The following GABRB1 variants were observed in gnomAD, a reference collection of about 807,000 sequenced individuals.
GABRB1 encodes the protein gamma-aminobutyric acid receptor subunit beta-1.
In GABRB1, 17 loss-of-function variants were observed where a neutral mutation model predicts 51.6. The observed-to-expected ratio is 0.33, with a 90% CI of 0.23 to 0.49. The LOEUF (loss-of-function observed/expected upper bound fraction) is 0.49, where lower values mean the gene tolerates loss of function less well. Among genes scored for constraint, GABRB1 ranks in the 20% least tolerant of loss-of-function variants. The pLI, the probability that GABRB1 is intolerant of heterozygous loss-of-function variation, is 0.99. For synonymous variants in GABRB1, 247 were observed against 218.9 expected, an observed-to-expected ratio of 1.13 and a Z score of -1.14; for missense variants, 410 against 600.6, an observed-to-expected ratio of 0.68 and a Z score of 3.32.
intron 3 of GABRB1, among the ~76,000 whole-genome samples, chr4:47,052,406 T>C (rs1169272218): frequency 3.3e-5 from 5 of 152,212 alleles, no homozygotes; most frequent in Non-Finnish European, 7.3e-5. Context: ...ATTATCAGTG[T>C]GATACCCACA....
rs558351135 is a variant in GABRB1, at chr4:47,345,616, G to C, written c.544+25407G>C. Among the ~76,000 whole-genome samples the C allele has an allele frequency of 2.6e-5, 4 of 152,276 alleles. No individual in the cohort carries two copies. The South Asian group carries it at 8.3e-4, about 32-fold the overall frequency. On this transcript the variant is annotated intron_variant, in intron 5 of 8. Transcript: ENST00000295454. Reference sequence around the variant, plus strand: ...GTAGTAATAAGATACAAAAGACCATGGTGTGAGTTGAAATTGGAAATGTAG... The same window carrying C: ...GTAGTAATAAGATACAAAAGACCATCGTGTGAGTTGAAATTGGAAATGTAG...
At chr4:47,083,007 G>A (rs2109570616) in intron 3 of GABRB1, among the ~76,000 whole-genome samples, 1 of 152,236 alleles carries the variant, frequency 6.6e-6, no homozygotes, top group African/African-American at 2.4e-5. Context: ...CCATTCATGA[G>A]TAATAGGCTA....
chr4:47,053,657 G>C (rs1416091315), intron 3 of GABRB1, among the ~76,000 whole-genome samples: 1 of 152,202 alleles, frequency 6.6e-6, no homozygotes, highest in Non-Finnish European at 1.5e-5. Flanking sequence ...GATGTGGGCT[G>C]TCACTGGAAA....
At chr4:47,289,818 A>G (rs1473576412) in intron 4 of GABRB1, among the ~76,000 whole-genome samples, 2 of 152,200 alleles carry the variant, frequency 1.3e-5, no homozygotes, top group African/African-American at 2.4e-5. Context: ...TTAGCCTTGG[A>G]CTTTTATAAC....
chr4:47,181,119 C>G (rs1355655670), intron 4 of GABRB1, among the ~76,000 whole-genome samples: 1 of 151,924 alleles, frequency 6.6e-6, no homozygotes, highest in Non-Finnish European at 1.5e-5. Flanking sequence ...ATTGGCTTAT[C>G]ACCATTTTCT....
chr4:47,163,748 C>T (rs186529271), intron 4 of GABRB1, among the ~76,000 whole-genome samples: 1 of 152,064 alleles, frequency 6.6e-6, no homozygotes, highest in East Asian at 1.9e-4. Flanking sequence ...AGTCAAGAGA[C>T]TTGTGGCCTA....
At chr4:47,370,455 C>T (rs1727148022) in intron 5 of GABRB1, among the ~76,000 whole-genome samples, 1 of 149,128 alleles carries the variant, frequency 6.7e-6, no homozygotes, top group African/African-American at 2.5e-5. Context: ...CCACTGCATT[C>T]CAGCCTGGGC....
At chr4:47,010,233 T>G (rs2109439328) in intron 1 of GABRB1, among the ~76,000 whole-genome samples, 1 of 152,298 alleles carries the variant, frequency 6.6e-6, no homozygotes, top group Admixed American at 6.5e-5. Context: ...TTTAAAAAAA[T>G]GTTTAAGATG....
chr4:47,253,933 G>A (rs951077735), intron 4 of GABRB1, among the ~76,000 whole-genome samples: 1 of 152,152 alleles, frequency 6.6e-6, no homozygotes, highest in Non-Finnish European at 1.5e-5. Context: ...TATCATTAAC[G>A]TGATTCCATA....
chr4:47,214,723 G>A (rs1293676944), intron 4 of GABRB1, among the ~76,000 whole-genome samples: 1 of 152,072 alleles, frequency 6.6e-6, no homozygotes, highest in African/African-American at 2.4e-5. Context: ...TTCAAGTTCA[G>A]CCACATCAAC....
At chr4:47,111,324 T>C (rs889511271) in intron 3 of GABRB1, among the ~76,000 whole-genome samples, 14 of 151,978 alleles carry the variant, frequency 9.2e-5, no homozygotes, top group Non-Finnish European at 1.8e-4. Context: ...GTAACAGCTA[T>C]GAGGAATAAA....
chr4:47,101,794 G>A (rs1303543666), intron 3 of GABRB1, among the ~76,000 whole-genome samples: 1 of 152,052 alleles, frequency 6.6e-6, no homozygotes, highest in Non-Finnish European at 1.5e-5. Context: ...ATGATAGAGA[G>A]ATGTACAGGT....
intron 3 of GABRB1, among the ~76,000 whole-genome samples, chr4:47,072,063 A>G (rs956478619): frequency 6.6e-6 from 1 of 151,528 alleles, no homozygotes; most frequent in East Asian, 1.9e-4. Context: ...AAAAACAAGT[A>G]GAAGTGATAC....
intron 3 of GABRB1, among the ~76,000 whole-genome samples, chr4:47,064,641 C>CAAAAAAAAAAAAAAAAAAAAAA (rs33963952): frequency 1.7e-5 from 1 of 58,230 alleles, no homozygotes. Flanking sequence ...GACTCCATCT[C>CAAAAAAAAAAAAAAAAAAAAAA]AAAAAAAAAA....
At chr4:47,239,184 C>A (rs900626649) in intron 4 of GABRB1, among the ~76,000 whole-genome samples, 2 of 152,134 alleles carry the variant, frequency 1.3e-5, no homozygotes, top group African/African-American at 4.8e-5. Context: ...CTATCTCAAT[C>A]AAGATACTGA....
intron 1 of GABRB1, among the ~76,000 whole-genome samples, chr4:46,996,148 G>A (rs1471222951): frequency 6.9e-6 from 1 of 144,994 alleles, no homozygotes; most frequent in Admixed American, 7.0e-5. Flanking sequence ...ATATGCTATT[G>A]TTTCCCATGT....
chr4:47,320,335 G>T, intron 5 of GABRB1, 126 bp downstream of exon 5: 1 of 688,238 alleles, frequency 1.5e-6, no homozygotes. Flanking sequence ...TTTTCAAAGG[G>T]TTTATATTGG....
chr4:47,063,852 G>C (rs1382522853), intron 3 of GABRB1, among the ~76,000 whole-genome samples: 1 of 152,046 alleles, frequency 6.6e-6, no homozygotes, highest in East Asian at 1.9e-4. Flanking sequence ...ACATGGACAT[G>C]GCGGGGGAAC....
At chr4:47,210,934 A>T (rs1432809059) in intron 4 of GABRB1, among the ~76,000 whole-genome samples, 1 of 152,212 alleles carries the variant, frequency 6.6e-6, no homozygotes, top group Admixed American at 6.5e-5. Context: ...AGTAGAAATT[A>T]GTAACAGAGA....
Sources: gnomAD v4.1 joint callset for allele counts (sites outside exome capture counted in the v4.1 genomes callset) on GRCh38, gnomAD v4.1.1 for gene constraint, MANE v1.5 for transcripts, NCBI Gene and HGNC (gene_info 2026-07-23, HGNC 2026-07-21) for gene names.